Variants in KIAA1217 observed in about 807,000 individuals in gnomAD.
KIAA1217 encodes sickle tail protein homolog.
In KIAA1217, 88 loss-of-function variants were observed where a neutral mutation model predicts 163.9. The observed-to-expected ratio is 0.54, with a 90% CI of 0.45 to 0.64. The LOEUF (loss-of-function observed/expected upper bound fraction) is 0.64, where lower values mean the gene tolerates loss of function less well. Ranked by LOEUF, KIAA1217 falls within the 30% of genes least tolerant of loss-of-function variation. KIAA1217 has a pLI of 0.00. For missense variants in KIAA1217, 2,372 were observed against 2,475.0 expected (o/e 0.96, Z 0.88); for synonymous variants, 903 against 923.1 (o/e 0.98, Z 0.39).
chr10:24,126,754 G>A (rs2063485608), intron 2 of KIAA1217, among the ~76,000 whole-genome samples: 1 of 151,414 alleles, frequency 6.6e-6, no homozygotes, highest in African/African-American at 2.4e-5. Flanking sequence ...CCTTCACTTG[G>A]CATCTAGATA....
chr10:24,007,229 A>C (rs995834759), exon 2 of KIAA1217: 2 of 151,684 alleles, frequency 1.3e-5, no homozygotes, highest in African/African-American at 4.9e-5. Flanking sequence ...TTACAGACGG[A>C]GATCCTGGGG....
chr10:24,240,306 A>G (rs2072912151), intron 2 of KIAA1217, among the ~76,000 whole-genome samples: 1 of 152,200 alleles, frequency 6.6e-6, no homozygotes, highest in South Asian at 2.1e-4. Flanking sequence ...TGTGAGGTTA[A>G]AGCGGAGTTC....
chr10:23,796,956 G>A (rs1836237190), intron 1 of KIAA1217, among the ~76,000 whole-genome samples: 1 of 152,100 alleles, frequency 6.6e-6, no homozygotes, highest in South Asian at 2.1e-4. Flanking sequence ...GGGCTCAAGT[G>A]ATCTTTTCAC....
At chr10:23,908,816 C>G (rs562091206) in intron 1 of KIAA1217, among the ~76,000 whole-genome samples, 1 of 152,250 alleles carries the variant, frequency 6.6e-6, no homozygotes, top group South Asian at 2.1e-4. Flanking sequence ...CTATGGAAAA[C>G]AGTGTGGAGA....
rs924054498 is a variant in KIAA1217, at chr10:23,820,860, G to A, written c.-321+125626G>A. On this transcript the variant is annotated intron_variant, in intron 1 of 18. Transcript: ENST00000376462. ...GGATAAGAATATGATGCTGGTGGAA[G>A]TAATTTTAAAGATGAAGAGCAGAGA... Among the ~76,000 whole-genome samples, 4 of 152,306 alleles carry A rather than the reference G, an allele frequency of 2.6e-5. No homozygotes were observed. The East Asian group carries it at 7.7e-4, about 29-fold the overall frequency.
chr10:23,933,600 C>T, intron 1 of KIAA1217, among the ~76,000 whole-genome samples: 2 of 152,178 alleles, frequency 1.3e-5, no homozygotes, highest in South Asian at 4.1e-4. Context: ...TCCAAGTGAG[C>T]AGGCACCCTA....
chr10:24,154,681 C>T (rs1448143252), intron 2 of KIAA1217, among the ~76,000 whole-genome samples: 1 of 152,052 alleles, frequency 6.6e-6, no homozygotes, highest in East Asian at 1.9e-4. Context: ...TCGAGACCTT[C>T]CTGGCCAACA....
intron 2 of KIAA1217, among the ~76,000 whole-genome samples, chr10:24,079,769 C>G (rs1434042698): frequency 2.0e-5 from 3 of 152,120 alleles, no homozygotes; most frequent in Non-Finnish European, 4.4e-5. Context: ...CCATCACTCA[C>G]AGTCATGGCA....
At chr10:23,744,537 G>A (rs1464248213) in intron 1 of KIAA1217, among the ~76,000 whole-genome samples, 1 of 152,090 alleles carries the variant, frequency 6.6e-6, no homozygotes, top group Non-Finnish European at 1.5e-5. Flanking sequence ...TATCATAAAG[G>A]GTGTTTTGGG....
At chr10:24,381,767 C>A (rs922915922) in intron 3 of KIAA1217, among the ~76,000 whole-genome samples, 1 of 152,196 alleles carries the variant, frequency 6.6e-6, no homozygotes, top group African/African-American at 2.4e-5. Flanking sequence ...GTCCCAGAGG[C>A]CAGGACAGTT....
intron 1 of KIAA1217, among the ~76,000 whole-genome samples, chr10:23,889,127 C>T (rs1301236159): frequency 6.6e-6 from 1 of 151,854 alleles, no homozygotes; most frequent in Non-Finnish European, 1.5e-5. Flanking sequence ...ATTAAAGCTA[C>T]TCTGCATTTT....
rs374303868 is a variant in KIAA1217, at chr10:24,278,981, T to C, written c.354+59072T>C. On this transcript the variant is annotated intron_variant, in intron 2 of 20. Transcript: ENST00000376454. The stretch of plus-strand genomic sequence containing the variant: ...AAGCGATTCTCATGCCTCAGCCTCC[T>C]GAGTAGCTGGGATTACAGTCACGGG... Among the ~76,000 whole-genome samples, 203 of 151,846 alleles carry C rather than the reference T, an allele frequency of 1.3e-3. 2 individuals are homozygous for C. Among genetic ancestry groups the C allele is most frequent in the African/African-American group, 4.4e-3 (182 of 41,398 alleles).
At chr10:23,768,280 AC>A (rs1419148070) in intron 1 of KIAA1217, among the ~76,000 whole-genome samples, 1 of 151,360 alleles carries the variant, frequency 6.6e-6, no homozygotes, top group Non-Finnish European at 1.5e-5. Flanking sequence ...TTGCATATTC[AC>A]CCCCAATGCT....
chr10:24,151,453 T>C (rs1011037351), intron 2 of KIAA1217, among the ~76,000 whole-genome samples: 22 of 145,718 alleles, frequency 1.5e-4, no homozygotes, highest in African/African-American at 5.1e-4. Flanking sequence ...TCACTGAGTA[T>C]CTAGTATGCA....
At chr10:24,258,571 C>T (rs1174607280) in intron 2 of KIAA1217, among the ~76,000 whole-genome samples, 1 of 151,746 alleles carries the variant, frequency 6.6e-6, no homozygotes, top group Non-Finnish European at 1.5e-5. Flanking sequence ...GCCCCTGTCA[C>T]TCAGGGGCTT....
chr10:24,057,955 C>G (rs1029527050), intron 2 of KIAA1217, among the ~76,000 whole-genome samples: 2 of 152,148 alleles, frequency 1.3e-5, no homozygotes, highest in African/African-American at 4.8e-5. Flanking sequence ...CTTTTGTTGT[C>G]ATTTCCATTA....
In KIAA1217 at chr10:24,186,888, TA is replaced by T. The variant is rs200438132; in HGVS notation, c.-170-32730del. On this transcript the variant is annotated intron_variant, in intron 2 of 18. Coordinates refer to the KIAA1217 transcript ENST00000376462. ...CTGGGTGACAGAGTGAGACTCCGTC[TA>T]AAAAAAACAAAACGAAAAAATTTTA... Among the ~76,000 whole-genome samples the T allele has an allele frequency of 1.2e-3, 187 of 151,910 alleles. 2 individuals are homozygous for T. The East Asian group carries it at 0.033, about 27-fold the overall frequency.
chr10:23,969,956 G>A (rs1174187215), intron 1 of KIAA1217, among the ~76,000 whole-genome samples: 1 of 152,158 alleles, frequency 6.6e-6, no homozygotes, highest in African/African-American at 2.4e-5. Context: ...TGAAAGCCAA[G>A]CAAAAGGGGT....
At chr10:24,541,485 G>A (rs2075076883) in intron 17 of KIAA1217, among the ~76,000 whole-genome samples, 1 of 152,120 alleles carries the variant, frequency 6.6e-6, no homozygotes, top group Non-Finnish European at 1.5e-5. Context: ...AAGGTCATAG[G>A]GGTTGCTCTG....
Sources: gnomAD v4.1 joint callset for allele counts (sites outside exome capture counted in the v4.1 genomes callset) on GRCh38, gnomAD v4.1.1 for gene constraint, MANE v1.5 for transcripts, NCBI Gene and HGNC (gene_info 2026-07-23, HGNC 2026-07-21) for gene names.